The following XIRP2 variants were observed in gnomAD, a reference collection of about 807,000 sequenced individuals.
XIRP2 encodes xin actin binding repeat containing 2, also known as xin actin-binding repeat-containing protein 2.
XIRP2 carries 236 observed loss-of-function variants against 277.0 expected under a neutral mutation model. That is an observed-to-expected ratio of 0.85 (90% CI 0.77 to 0.95). The LOEUF (loss-of-function observed/expected upper bound fraction) is 0.95, where lower values mean the gene tolerates loss of function less well. Ranked by LOEUF, XIRP2 falls within the 40% of genes least tolerant of loss-of-function variation. The pLI is 0.00. For missense variants in XIRP2, 4,640 were observed against 4,157.5 expected, an observed-to-expected ratio of 1.12 and a Z score of -3.19; for synonymous variants, 1,490 against 1,416.5, an observed-to-expected ratio of 1.05 and a Z score of -1.17.
intron 2 of XIRP2, among the ~76,000 whole-genome samples, chr2:167,010,980 A>G (rs1447862491): frequency 1.3e-5 from 2 of 152,124 alleles, no homozygotes; most frequent in Non-Finnish European, 2.9e-5. Flanking sequence ...GGCTGACACA[A>G]TGGGGTTTTC....
At chr2:167,000,382 A>C (rs1687331100) in intron 2 of XIRP2, among the ~76,000 whole-genome samples, 1 of 152,034 alleles carries the variant, frequency 6.6e-6, no homozygotes, top group Non-Finnish European at 1.5e-5. Flanking sequence ...TTTCCTGTAG[A>C]GTTTCCTTAA....
intron 2 of XIRP2, among the ~76,000 whole-genome samples, chr2:167,073,039 CAATT>C (rs954560171): frequency 2.0e-5 from 3 of 151,974 alleles, no homozygotes; most frequent in African/African-American, 7.2e-5. Flanking sequence ...TGAGCTAAAA[CAATT>C]ATTATATGTT....
Position 167,245,551 on chromosome 2 carries a change from G to C in XIRP2, c.4159G>C (p.Val1387Leu). ...EDIQKGDVSS[V>L]RYRFETQPLD... ...CATTCAGAAGGGAGATGTTAGTTCT[G>C]TCAGATACAGATTTGAAACTCAGCC... The change falls in exon 9 of 11, where the codon GTC (valine) becomes CTC (leucine). Residue 1387 changes from valine (V) to leucine (L), a missense_variant. Coordinates refer to ENST00000409195, the MANE Select transcript of XIRP2 (RefSeq NM_152381.6). The C allele has an allele frequency of 6.2e-7, 1 of 1,613,604 alleles. No individual in the cohort carries two copies. Among genetic ancestry groups the C allele is most frequent in the Admixed American group, 1.7e-5 (1 of 59,988 alleles).
intron 2 of XIRP2, among the ~76,000 whole-genome samples, chr2:166,906,164 A>T (rs1376911784): frequency 6.6e-6 from 1 of 152,004 alleles, no homozygotes; most frequent in Non-Finnish European, 1.5e-5. Flanking sequence ...AATAAGGAAA[A>T]TCTTTTGTAA....
chr2:166,996,539 A>G (rs890103425), intron 2 of XIRP2, among the ~76,000 whole-genome samples: 1 of 152,184 alleles, frequency 6.6e-6, no homozygotes, highest in African/African-American at 2.4e-5. Flanking sequence ...AAGCAGGAGA[A>G]TTGCTTGACC....
chr2:167,013,801 T>C (rs192326248), intron 2 of XIRP2, among the ~76,000 whole-genome samples: 8 of 151,578 alleles, frequency 5.3e-5, no homozygotes, highest in African/African-American at 1.9e-4. Context: ...AGCTTTGAAT[T>C]TATGAATGTA....
At chr2:167,013,388 T>A (rs561914191) in intron 2 of XIRP2, among the ~76,000 whole-genome samples, 2 of 151,504 alleles carry the variant, frequency 1.3e-5, no homozygotes, top group African/African-American at 4.8e-5. Flanking sequence ...ATCCTCTTTC[T>A]TATATACTGA....
intron 5 of XIRP2, among the ~76,000 whole-genome samples, chr2:167,220,981 T>G (rs1054137420): frequency 6.6e-6 from 1 of 152,196 alleles, no homozygotes; most frequent in Non-Finnish European, 1.5e-5. Flanking sequence ...CTGTAGTGAC[T>G]TCTCTAAACT....
chr2:167,109,662 G>A (rs7572454), intron 2 of XIRP2, among the ~76,000 whole-genome samples: 44,859 of 152,062 alleles, frequency 0.3, 9,096 homozygotes, highest in African/African-American at 0.58. Context: ...ATAGCGCTGC[G>A]ATGAACATAT....
chr2:166,894,892 A>T (rs1684200428), intron 1 of XIRP2, among the ~76,000 whole-genome samples: 1 of 152,192 alleles, frequency 6.6e-6, no homozygotes, highest in Admixed American at 6.5e-5. Flanking sequence ...AGTGAGCTAT[A>T]TCATCTTTGG....
At chr2:167,183,689 T>C (rs1693080770) in intron 3 of XIRP2, among the ~76,000 whole-genome samples, 1 of 152,170 alleles carries the variant, frequency 6.6e-6, no homozygotes, top group Non-Finnish European at 1.5e-5. Context: ...TCAATTGTGA[T>C]TATTTTAAAG....
chr2:167,087,845 A>G (rs1291579614), intron 2 of XIRP2, among the ~76,000 whole-genome samples: 2 of 151,896 alleles, frequency 1.3e-5, no homozygotes, highest in African/African-American at 4.8e-5. Flanking sequence ...ACTGTCTGGC[A>G]CTCCCTAGTG....
At chr2:167,139,612 C>G (rs369269424) in intron 3 of XIRP2, among the ~76,000 whole-genome samples, 4 of 152,124 alleles carry the variant, frequency 2.6e-5, no homozygotes, top group Admixed American at 1.3e-4. Context: ...TTCTACTGCT[C>G]TTTACGTGAG....
rs534714645 is a variant in XIRP2, at chr2:167,087,094, AT to A, written c.409-48814del. Among the ~76,000 whole-genome samples the A allele has an allele frequency of 1.1e-3, 162 of 151,910 alleles. 1 individual carries two copies. The highest frequency in any genetic ancestry group is 0.01 in the Admixed American group (155 of 15,244). ...TGGTTTTATCTACTTTTGGTCTTTG[AT>A]GATGGTGATGTACACATGGGTTTTT... On this transcript the variant is annotated intron_variant, in intron 2 of 10. Coordinates refer to ENST00000409195, the MANE Select transcript of XIRP2 (RefSeq NM_152381.6).
chr2:167,004,556 C>T (rs1279618918), intron 2 of XIRP2, among the ~76,000 whole-genome samples: 1 of 151,824 alleles, frequency 6.6e-6, no homozygotes, highest in African/African-American at 2.4e-5. Flanking sequence ...GATGTCATAT[C>T]TCGGCTGTGT....
At chr2:167,059,195 C>A (rs1319550777) in intron 2 of XIRP2, among the ~76,000 whole-genome samples, 2 of 145,732 alleles carry the variant, frequency 1.4e-5, no homozygotes, top group Non-Finnish European at 3.0e-5. Flanking sequence ...CAACCTCCGA[C>A]TACCTTCAAG....
At chr2:167,130,341 A>G (rs1414299539) in intron 2 of XIRP2, among the ~76,000 whole-genome samples, 1 of 152,154 alleles carries the variant, frequency 6.6e-6, no homozygotes, top group Non-Finnish European at 1.5e-5. Flanking sequence ...CTCGTTTACA[A>G]GGACATTGAT....
At chr2:167,198,446 T>C (rs1420319210) in intron 3 of XIRP2, among the ~76,000 whole-genome samples, 1 of 152,170 alleles carries the variant, frequency 6.6e-6, no homozygotes, top group Non-Finnish European at 1.5e-5. Flanking sequence ...AAGAGAGGAA[T>C]CAAAATGCAG....
intron 2 of XIRP2, among the ~76,000 whole-genome samples, chr2:166,936,241 C>G (rs1685497049): frequency 6.6e-6 from 1 of 152,134 alleles, no homozygotes; most frequent in Non-Finnish European, 1.5e-5. Context: ...TATCCTTCGC[C>G]CACTTTTTGA....
Sources: allele counts gnomAD v4.1 joint callset (sites outside exome capture counted in the v4.1 genomes callset), GRCh38; gene constraint gnomAD v4.1.1; transcripts MANE v1.5; gene names NCBI Gene and HGNC (gene_info 2026-07-23, HGNC 2026-07-21).